Variants in HDAC4 observed in about 807,000 individuals in gnomAD.
The protein encoded by HDAC4 is histone deacetylase A.
A neutral mutation model predicts 135.1 loss-of-function variants in HDAC4; 16 were observed. The ratio of observed to expected loss-of-function variants is 0.12; its 90% CI spans 0.08 to 0.18. The LOEUF is 0.18. Among genes scored for constraint, HDAC4 ranks in the 10% least tolerant of loss-of-function variants. The pLI is 1.00. For synonymous variants in HDAC4, 685 were observed against 653.4 expected (o/e 1.05, Z -0.74); for missense variants, 1,143 against 1,511.8 (o/e 0.76, Z 4.05).
chr2:239,350,212 ATATAT>A (rs925098443), intron 2 of HDAC4, among the ~76,000 whole-genome samples: 5 of 152,276 alleles, frequency 3.3e-5, no homozygotes, highest in South Asian at 2.1e-4. Context: ...ACAAAGAGAA[ATATAT>A]TATATTTTGA....
At chr2:239,387,544 T>C (rs1379343029) in intron 1 of HDAC4, among the ~76,000 whole-genome samples, 1 of 152,242 alleles carries the variant, frequency 6.6e-6, no homozygotes, top group Non-Finnish European at 1.5e-5. Context: ...CAGCACTCTG[T>C]GACCAGAGAA....
At chr2:239,095,976 C>T (rs114337616) in intron 16 of HDAC4, among the ~76,000 whole-genome samples, 256 of 152,272 alleles carry the variant, frequency 1.7e-3, no homozygotes, top group Middle Eastern at 6.8e-3. Context: ...CTCCTTTATC[C>T]AACGTGGGAC....
intron 24 of HDAC4, among the ~76,000 whole-genome samples, chr2:239,063,385 T>C (rs1055161981): frequency 7.9e-5 from 12 of 151,992 alleles, no homozygotes; most frequent in African/African-American, 2.9e-4. Context: ...TTTGTATTTT[T>C]AGTAGAGACG....
chr2:239,295,438 C>T lies in HDAC4; in HGVS notation c.22+57240G>A, dbSNP rs370827594. The stretch of plus-strand genomic sequence containing the variant: ...AACGAGAATGAGACAAGATGGGAGC[C>T]GGAAGGAAACACATGAAAATGTTCA... On this transcript the variant is annotated intron_variant, in intron 2 of 26. Transcript: ENST00000543185. 5.3e-5 allele frequency among the ~76,000 whole-genome samples: 8 copies of T among 152,066 alleles called. No homozygotes were observed. The South Asian group carries it at 6.2e-4, about 12-fold the overall frequency.
rs755538495 is a variant in HDAC4, at chr2:239,374,386, C to CTTTTTTT, written c.-219-21475_-219-21469dup. On this transcript the variant is annotated intron_variant, in intron 1 of 26. Coordinates refer to ENST00000543185, the MANE Select transcript of HDAC4 (RefSeq NM_001378414.1). ...CACCCCAGATGAATAGAAAACAAGG[C>CTTTTTTT]TTTTTTTTTTTTTTTTTTTTTTTTT... Among the ~76,000 whole-genome samples the CTTTTTTT allele has an allele frequency of 2.0e-3, 116 of 56,706 alleles. 11 individuals carry two copies. Among genetic ancestry groups the CTTTTTTT allele is most frequent in the Non-Finnish European group, 2.6e-3 (86 of 33,550 alleles). The allele number at this position is 56,706 out of a possible 152,430, so 37.2% of individuals were successfully genotyped here. A position where few individuals can be genotyped will look rare whatever the true frequency, so the allele number is the denominator to read the frequency against.
chr2:239,291,156 T>C (rs1187870898), intron 2 of HDAC4, among the ~76,000 whole-genome samples: 2 of 152,218 alleles, frequency 1.3e-5, no homozygotes, highest in African/African-American at 4.8e-5. Context: ...CAATAGTCCC[T>C]GGGGTCCTTG....
intron 7 of HDAC4, among the ~76,000 whole-genome samples, chr2:239,152,882 G>T (rs2042201820): frequency 6.6e-6 from 1 of 152,204 alleles, no homozygotes; most frequent in Non-Finnish European, 1.5e-5. Flanking sequence ...ACCTCGATCT[G>T]GTCCTACTCG....
In HDAC4 at chr2:239,231,843, G is replaced by A. The variant is rs1161011975; in HGVS notation, c.94+4750C>T. Among the ~76,000 whole-genome samples, 5 of 117,254 alleles carry A rather than the reference G, an allele frequency of 4.3e-5. 1 individual carries two copies. Among genetic ancestry groups the A allele is most frequent in the Admixed American group, 8.5e-5 (1 of 11,742 alleles). The allele number at this position is 117,254 out of a possible 152,430, so 76.9% of individuals were successfully genotyped here. On this transcript the variant is annotated intron_variant, in intron 3 of 26. Transcript: ENST00000543185. Reference sequence around the variant, plus strand: ...CTGCTCCCGGATGCCTGAGGTAGGCGTCCTCCCCGAAGCGCCCCTGTCCTC... The same window carrying A: ...CTGCTCCCGGATGCCTGAGGTAGGCATCCTCCCCGAAGCGCCCCTGTCCTC...
At chr2:239,255,503 T>C (rs2125025158) in intron 2 of HDAC4, among the ~76,000 whole-genome samples, 1 of 152,348 alleles carries the variant, frequency 6.6e-6, no homozygotes, top group South Asian at 2.1e-4. Context: ...ATTTTTTCTT[T>C]GCTCTGAGTC....
At chr2:239,323,752 C>T (rs1217780532) in intron 2 of HDAC4, among the ~76,000 whole-genome samples, 1 of 151,910 alleles carries the variant, frequency 6.6e-6, no homozygotes, top group African/African-American at 2.4e-5. Context: ...GCTCAAAAAG[C>T]ATCCCCTGTC....
intron 1 of HDAC4, among the ~76,000 whole-genome samples, chr2:239,377,843 C>T (rs1002965584): frequency 1.3e-5 from 2 of 152,120 alleles, no homozygotes; most frequent in South Asian, 2.1e-4. Context: ...CTGATCACCG[C>T]GCTGAGCTCA....
intron 2 of HDAC4, among the ~76,000 whole-genome samples, chr2:239,333,958 G>C (rs1232311142): frequency 6.6e-6 from 1 of 152,108 alleles, no homozygotes; most frequent in East Asian, 1.9e-4. Flanking sequence ...ATTACCATTT[G>C]ACTGAAGGTC....
chr2:239,389,101 A>G (rs894638378), intron 1 of HDAC4, among the ~76,000 whole-genome samples: 1 of 152,222 alleles, frequency 6.6e-6, no homozygotes, highest in Non-Finnish European at 1.5e-5. Context: ...TGCACCAATC[A>G]GCACTCTGTA....
intron 1 of HDAC4, among the ~76,000 whole-genome samples, chr2:239,377,190 T>G (rs1695070998): frequency 2.0e-5 from 3 of 151,804 alleles, no homozygotes; most frequent in African/African-American, 7.3e-5. Context: ...GACTCTGAAC[T>G]TGAAACCAAA....
At chr2:239,288,875 T>G (rs1379413626) in intron 2 of HDAC4, among the ~76,000 whole-genome samples, 2 of 152,216 alleles carry the variant, frequency 1.3e-5, no homozygotes, top group African/African-American at 4.8e-5. Context: ...TTCAAATTCA[T>G]CCATAGAGTC....
intron 2 of HDAC4, among the ~76,000 whole-genome samples, chr2:239,273,433 C>CTT (rs1428665310): frequency 6.6e-6 from 1 of 152,212 alleles, no homozygotes; most frequent in East Asian, 1.9e-4. Context: ...TAAAGAAAGC[C>CTT]TTTCCTGTGT....
intron 5 of HDAC4, among the ~76,000 whole-genome samples, chr2:239,168,617 A>C (rs2043255784): frequency 6.6e-6 from 1 of 152,238 alleles, no homozygotes. Flanking sequence ...TCAAATGCTT[A>C]GATGCTGGCG....
chr2:239,124,575 C>T (rs926842366), intron 12 of HDAC4, among the ~76,000 whole-genome samples: 5 of 131,320 alleles, frequency 3.8e-5, no homozygotes, highest in Non-Finnish European at 7.4e-5. Context: ...TTCCAGTGTG[C>T]CGGCATGTGG....
chr2:239,053,062 C>CA lies in HDAC4; in HGVS notation c.*34dup. 1 of 1,612,124 alleles carries CA rather than the reference C, an allele frequency of 6.2e-7. No homozygotes were observed. The highest frequency in any genetic ancestry group is 8.5e-7 in the Non-Finnish European group (1 of 1,178,360). On this transcript the variant is annotated 3_prime_UTR_variant, in exon 27 of 27. Coordinates refer to ENST00000543185, the MANE Select transcript of HDAC4 (RefSeq NM_001378414.1). Reference sequence around the variant, plus strand: ...TCTTGGCTGAGCTTCAAGACAGAGACAGACAGACAAGAGAACAGCAGCTTC... The same window carrying CA: ...TCTTGGCTGAGCTTCAAGACAGAGACAAGACAGACAAGAGAACAGCAGCTTC...
Sources: allele counts gnomAD v4.1 joint callset (sites outside exome capture counted in the v4.1 genomes callset), GRCh38; gene constraint gnomAD v4.1.1; transcripts MANE v1.5; gene names NCBI Gene and HGNC (gene_info 2026-07-23, HGNC 2026-07-21).